Variants in PRKAR1B observed in about 807,000 individuals in gnomAD.
PRKAR1B encodes the protein protein kinase cAMP-dependent type I regulatory subunit beta.
PRKAR1B carries 22 observed loss-of-function variants against 46.5 expected under a neutral mutation model. That is an observed-to-expected ratio of 0.47 (90% CI 0.34 to 0.68). The LOEUF (loss-of-function observed/expected upper bound fraction) is 0.68, where lower values mean the gene tolerates loss of function less well. Among genes scored for constraint, PRKAR1B ranks in the 30% least tolerant of loss-of-function variants. The pLI, the probability that PRKAR1B is intolerant of heterozygous loss-of-function variation, is 0.01. For missense variants in PRKAR1B, 445 were observed against 535.6 expected (o/e 0.83, Z 1.67); for synonymous variants, 259 against 217.7 (o/e 1.19, Z -1.67).
chr7:554,901 G>A (rs1325175127), intron 9 of PRKAR1B, among the ~76,000 whole-genome samples: 2 of 152,218 alleles, frequency 1.3e-5, no homozygotes, highest in South Asian at 2.1e-4. Flanking sequence ...TTCATGGCTC[G>A]GAGGTGGCAG....
intron 4 of PRKAR1B, among the ~76,000 whole-genome samples, chr7:641,380 T>A (rs1209526171): frequency 1.3e-5 from 2 of 152,214 alleles, no homozygotes; most frequent in African/African-American, 4.8e-5. Flanking sequence ...TTGTTCATAA[T>A]AGCTCCAAAC....
chr7:691,166 A>C (rs1779401450), intron 2 of PRKAR1B, among the ~76,000 whole-genome samples: 2 of 134,284 alleles, frequency 1.5e-5, no homozygotes, highest in Non-Finnish European at 1.6e-5. Context: ...CGCCCACCCA[A>C]ACTGTCCACT....
intron 4 of PRKAR1B, among the ~76,000 whole-genome samples, chr7:676,510 G>A (rs1305108374): frequency 6.6e-6 from 1 of 152,188 alleles, no homozygotes; most frequent in African/African-American, 2.4e-5. Context: ...CGAAGCCCAC[G>A]GTAATCACAC....
At chr7:695,820 T>C (rs752358646) in intron 2 of PRKAR1B, among the ~76,000 whole-genome samples, 25 of 151,520 alleles carry the variant, frequency 1.6e-4, no homozygotes, top group Non-Finnish European at 2.7e-4. Context: ...CCTGCCACCA[T>C]GCCCGGCTAA....
intron 4 of PRKAR1B, among the ~76,000 whole-genome samples, chr7:638,294 A>G (rs1264955342): frequency 6.6e-6 from 1 of 152,204 alleles, no homozygotes; most frequent in Non-Finnish European, 1.5e-5. Context: ...TTTCCCCTAA[A>G]CAGGTCCCGG....
intron 1 of PRKAR1B, among the ~76,000 whole-genome samples, chr7:713,917 G>A (rs1017212786): frequency 6.6e-6 from 1 of 152,202 alleles, no homozygotes; most frequent in African/African-American, 2.4e-5. Context: ...CCCCGTCTCA[G>A]GCAGACCTGC....
At chr7:640,439 C>T (rs1314925809) in intron 4 of PRKAR1B, among the ~76,000 whole-genome samples, 1 of 152,146 alleles carries the variant, frequency 6.6e-6, no homozygotes, top group Non-Finnish European at 1.5e-5. Flanking sequence ...AGCTGTTCAA[C>T]CCCATTAGTC....
chr7:590,138 G>A (rs1228096530), intron 7 of PRKAR1B, among the ~76,000 whole-genome samples: 1 of 152,256 alleles, frequency 6.6e-6, no homozygotes, highest in Non-Finnish European at 1.5e-5. Context: ...CTGGCACTCT[G>A]CTGTGCAGCC....
intron 4 of PRKAR1B, among the ~76,000 whole-genome samples, chr7:626,416 G>A (rs1489505213): frequency 2.6e-5 from 4 of 152,070 alleles, no homozygotes; most frequent in African/African-American, 9.7e-5. Flanking sequence ...AATCACTTGA[G>A]TCCAGGAGCT....
At chr7:563,922 TG>T (rs1393162538) in intron 9 of PRKAR1B, among the ~76,000 whole-genome samples, 1 of 152,016 alleles carries the variant, frequency 6.6e-6, no homozygotes, top group Admixed American at 6.6e-5. Context: ...TGGGTGAGTA[TG>T]TGCGTTGGTG....
intron 4 of PRKAR1B, among the ~76,000 whole-genome samples, chr7:636,315 GCCGCGCCC>G: frequency 2.4e-4 from 2 of 8,196 alleles, no homozygotes; most frequent in East Asian, 2.8e-3. Context: ...TCCTCCACCG[GCCGCGCCC>G]ACACGTCCTC....
intron 3 of PRKAR1B, among the ~76,000 whole-genome samples, chr7:679,651 C>T (rs1357306418): frequency 6.6e-6 from 1 of 152,196 alleles, no homozygotes; most frequent in Non-Finnish European, 1.5e-5. Flanking sequence ...GATGATTCCA[C>T]AACAATGAGA....
chr7:619,978 G>T (rs1045225243), intron 4 of PRKAR1B, among the ~76,000 whole-genome samples: 1 of 150,726 alleles, frequency 6.6e-6, no homozygotes, highest in Non-Finnish European at 1.5e-5. Flanking sequence ...AGCCTCCTGA[G>T]TAGCTGGGCC....
intron 2 of PRKAR1B, among the ~76,000 whole-genome samples, chr7:692,323 C>G (rs1436160096): frequency 6.6e-6 from 1 of 152,172 alleles, no homozygotes; most frequent in Non-Finnish European, 1.5e-5. Flanking sequence ...TCGATTGAAC[C>G]CAGGAGGTGG....
chr7:682,419 C>A (rs1778739424), intron 2 of PRKAR1B, among the ~76,000 whole-genome samples: 2 of 152,052 alleles, frequency 1.3e-5, no homozygotes, highest in South Asian at 4.2e-4. Context: ...AGTTCAAGAC[C>A]AGCCTGGGCA....
intron 2 of PRKAR1B, among the ~76,000 whole-genome samples, chr7:709,376 T>C (rs1472792294): frequency 2.1e-5 from 3 of 145,474 alleles, no homozygotes; most frequent in Non-Finnish European, 3.0e-5. Context: ...TATTTCTTTT[T>C]TTTTTTTTTT....
At chr7:589,717 T>G (rs745358640) in intron 7 of PRKAR1B, among the ~76,000 whole-genome samples, 1 of 152,174 alleles carries the variant, frequency 6.6e-6, no homozygotes, top group South Asian at 2.1e-4. Context: ...ATCCCGAACC[T>G]CCACTCACAC....
intron 1 of PRKAR1B, among the ~76,000 whole-genome samples, chr7:716,368 C>A (rs1315967793): frequency 3.3e-5 from 5 of 152,056 alleles, no homozygotes; most frequent in African/African-American, 9.7e-5. Flanking sequence ...AAGCCACATT[C>A]TTTTCCCAAT....
At chr7:716,467 C>T (rs2128532792) in intron 1 of PRKAR1B, among the ~76,000 whole-genome samples, 1 of 152,326 alleles carries the variant, frequency 6.6e-6, no homozygotes, top group Admixed American at 6.5e-5. Context: ...GGGAAATTCC[C>T]TAAGGCGCCA....
Sources: allele counts gnomAD v4.1 joint callset (sites outside exome capture counted in the v4.1 genomes callset), GRCh38; gene constraint gnomAD v4.1.1; transcripts MANE v1.5; gene names NCBI Gene and HGNC (gene_info 2026-07-23, HGNC 2026-07-21).